MCRS1: variants seen among roughly 807,000 people sequenced by gnomAD.
MCRS1 encodes microspherule protein 1, also known as 58 kDa microspherule protein.
In MCRS1, 22 loss-of-function variants were observed where a neutral mutation model predicts 62.9. The observed-to-expected ratio is 0.35, with a 90% CI of 0.25 to 0.50. The LOEUF is 0.50. MCRS1 is among the 20% of genes least tolerant of loss of function. The pLI is 0.98. For missense variants in MCRS1, 456 were observed against 601.1 expected, an observed-to-expected ratio of 0.76 and a Z score of 2.52; for synonymous variants, 244 against 233.5, an observed-to-expected ratio of 1.04 and a Z score of -0.41.
chr12:49,564,398 G>T (rs1938937217), intron 6 of MCRS1, 83 bp downstream of exon 6: 5 of 1,184,310 alleles, frequency 4.2e-6, no homozygotes, highest in African/African-American at 3.1e-5. Context: ...CCCTCCTGGG[G>T]CCCTGGTACA....
In MCRS1 at chr12:49,559,860, G is replaced by A. The variant is rs201158856; in HGVS notation, c.911-39C>T. 2.5e-6 allele frequency: 4 copies of A among 1,613,814 alleles called. No individual in the cohort carries two copies. The highest frequency in any genetic ancestry group is 2.2e-5 in the South Asian group (2 of 91,080). ...GGGTGGTAAGGAGGGATGCTCTGAG[G>A]CCACCAGCACCTTGTACTGGTCCTC... On this transcript the variant is annotated intron_variant, in intron 10 of 14. Coordinates refer to ENST00000343810, the MANE Select transcript of MCRS1 (RefSeq NM_006337.5). The surrounding 1 kb of genome is among the most constrained non-coding windows in gnomAD (Gnocchi z 5.2).
chr12:49,566,113 G>T lies in MCRS1; in HGVS notation c.113C>A (p.Ala38Asp). 1 of 1,614,222 alleles carries T rather than the reference G, an allele frequency of 6.2e-7. No homozygotes were observed. The highest frequency in any genetic ancestry group is 8.5e-7 in the Non-Finnish European group (1 of 1,180,028). ...TCTCCGTTTAGGGATGGTGCCCAAG[G>T]CCTGGGAGGAGGCTCGCTTCTGCCC... is the stretch of plus-strand genomic sequence containing the variant. ...LAGQKRASSQ[A>D]LGTIPKRRSS... is the part of the protein sequence containing the mutation. The change falls in exon 3 of 15, where the codon GCC (alanine) becomes GAC (aspartate). Residue 38 changes from alanine to aspartate, a missense_variant. Ala to Asp is a moderately radical substitution (Grantham distance 126). This residue lies in a region of MCRS1 where 55 missense variants were observed against 49.3 expected (regional missense o/e 1.12). Transcript: ENST00000343810.
chr12:49,562,962 G>A (rs755909621), intron 8 of MCRS1, 39 bp downstream of exon 8: 6 of 1,576,358 alleles, frequency 3.8e-6, no homozygotes, highest in Admixed American at 3.5e-5. Context: ...ACACATGCAC[G>A]TGCACACACC....
At chr12:49,566,864 C>T (rs888874069) in intron 1 of MCRS1, 23 bp from the exon 2 acceptor site, 17 of 1,237,266 alleles carry the variant, frequency 1.4e-5, no homozygotes, top group South Asian at 5.2e-5. Flanking sequence ...AATGAGGCTC[C>T]CTGAGGCTCA....
At chr12:49,567,285 G>A in intron 1 of MCRS1, among the ~76,000 whole-genome samples, 1 of 148,290 alleles carries the variant, frequency 6.7e-6, no homozygotes, top group East Asian at 2.0e-4. Context: ...AGTCCATCTC[G>A]TTTTTTTTTT....
chr12:49,559,620 G>C lies in MCRS1; in HGVS notation c.1004-85C>G. ...ACCAGGGCAAGGTTTATAAGGGAAG[G>C]GGGTCGGGGCCTGGGAAACGAGGGT... On this transcript the variant is annotated intron_variant, in intron 11 of 14. Transcript: ENST00000343810. This position sits in a 1 kb window ranked among gnomAD's most constrained non-coding sequence, Gnocchi z 5.2. 2 of 1,589,930 alleles carry C rather than the reference G, an allele frequency of 1.3e-6. No homozygotes were observed. The highest frequency in any genetic ancestry group is 1.3e-5 in the African/African-American group (1 of 74,558).
chr12:49,564,564 C>A lies in MCRS1; in HGVS notation c.474G>T (p.Leu158=). 6.2e-7 allele frequency: 1 copy of A among 1,611,480 alleles called. No homozygotes were observed. The highest frequency in any genetic ancestry group is 8.5e-7 in the Non-Finnish European group (1 of 1,178,782). The change falls in exon 6 of 15, where the codon CTG becomes CTT. Residue 158 remains leucine (L), a synonymous_variant. Coordinates refer to ENST00000343810, the MANE Select transcript of MCRS1 (RefSeq NM_006337.5). ...LQTNDLTSVH[L]GVKFSCRFTL... is the part of the protein sequence containing the mutation. ...TGAAGCGGCAGCTGAATTTCACGCC[C>A]AGGTGGACGGAGGTCAGGTCGTTGG...
Position 49,559,006 on chromosome 12 carries a change from G to A in MCRS1, c.1175-36C>T, listed in dbSNP as rs1938608661. The A allele has an allele frequency of 9.4e-6, 15 of 1,600,156 alleles. No individual in the cohort carries two copies. The highest frequency in any genetic ancestry group is 1.3e-5 in the Non-Finnish European group (15 of 1,179,514). On this transcript the variant is annotated intron_variant, in intron 13 of 14. Transcript: ENST00000343810. The surrounding 1 kb of genome is among the most constrained non-coding windows in gnomAD (Gnocchi z 5.2). ...AGAAAGAAAGAAGGGATGATGGGAT[G>A]GGGAGGGATTGATGGGATGGGGAAA...
At chr12:49,564,611 T>C (rs1443339830) in intron 5 of MCRS1, 21 bp from the exon 6 acceptor site, 6 of 1,609,334 alleles carry the variant, frequency 3.7e-6, no homozygotes, top group Non-Finnish European at 5.1e-6. Flanking sequence ...CCAGAAGGAT[T>C]TGCTCCAGCC....
rs774499196 is a variant in MCRS1, at chr12:49,564,898, G to A, written c.289-3C>T. ...GGAGTGCTGGGGGCTTTGGATACCT[G>A]GGCAGAGGACAGGAACAAACCAAGC... On this transcript the variant is annotated splice_region_variant and splice_polypyrimidine_tract_variant and intron_variant, in intron 4 of 14. Transcript: ENST00000343810. The A allele has an allele frequency of 6.9e-6, 11 of 1,584,534 alleles. No individual in the cohort carries two copies. The Admixed American group carries it at 2.0e-4, about 29-fold the overall frequency.
chr12:49,560,476 A>G (rs1272179718), intron 8 of MCRS1, 106 bp from the exon 9 acceptor site: 3 of 997,746 alleles, frequency 3.0e-6, no homozygotes, highest in Non-Finnish European at 4.8e-6. Context: ...CTGGGTGGAG[A>G]GCCCAGCACC....
In MCRS1 at chr12:49,559,262, C is replaced by T; in HGVS notation, c.1126G>A (p.Val376Met). ...GRATKDNQID[V>M]DLSLEGPAWK... ...GCCGGACCCTCCAGAGACAGGTCCA[C>T]ATCAATCTGGTTATCCTTGGTTGCT... is the stretch of plus-strand genomic sequence containing the variant. The change falls in exon 13 of 15, where the codon GTG (valine) becomes ATG (methionine). Residue 376 changes from valine to methionine, a missense_variant. By Grantham distance (21) the Val-to-Met change is conservative (BLOSUM62 1). Coordinates refer to ENST00000343810, the MANE Select transcript of MCRS1 (RefSeq NM_006337.5). The surrounding 1 kb of genome is among the most constrained non-coding windows in gnomAD (Gnocchi z 5.2). 6.2e-7 allele frequency: 1 copy of T among 1,614,134 alleles called. No individual in the cohort carries two copies.
chr12:49,566,837 A>C lies in MCRS1; in HGVS notation c.-106T>G. On this transcript the variant is annotated 5_prime_UTR_variant, in exon 2 of 15. Transcript: ENST00000343810. ...CCAGGTGAGCTTAAAGGCTGAGAGG[A>C]GATTCTGCAAAGGAGAAATGAGGCT... 1 of 1,458,786 alleles carries C rather than the reference A, an allele frequency of 6.9e-7. No homozygotes were observed. Among genetic ancestry groups the C allele is most frequent in the South Asian group, 1.2e-5 (1 of 83,054 alleles). The allele number at this position is 1,458,786 out of a possible 1,614,324, so 90.4% of individuals were successfully genotyped here. A position where few individuals can be genotyped will look rare whatever the true frequency, so the allele number is the denominator to read the frequency against.
chr12:49,559,532 A>G lies in MCRS1; in HGVS notation c.1007T>C (p.Met336Thr). The G allele has an allele frequency of 6.2e-7, 1 of 1,610,138 alleles. No individual in the cohort carries two copies. Among genetic ancestry groups the G allele is most frequent in the African/African-American group, 1.3e-5 (1 of 75,056 alleles). Residue 336 changes from methionine to threonine, a missense_variant, in exon 12 of 15, where the codon ATG becomes ACG. Met to Thr is a moderately conservative substitution (Grantham distance 81). This residue lies in a region of MCRS1 where 393 missense variants were observed against 523.5 expected (regional missense o/e 0.75). Transcript: ENST00000343810. The surrounding 1 kb of genome is among the most constrained non-coding windows in gnomAD (Gnocchi z 5.2). ...WQVLVDSITG[M>T]SSPDFDNQTL... ...CTGGTTGTCGAAGTCCGGAGAGCTC[A>G]TGCCTGGGAGAAGAGGGAGTTTGGA...
intron 2 of MCRS1, 74 bp downstream of exon 2, chr12:49,566,648 G>A: frequency 6.2e-6 from 10 of 1,604,728 alleles, no homozygotes; most frequent in South Asian, 2.2e-5. Flanking sequence ...AAAGACACAC[G>A]TGCCAGGCAC....
At chr12:49,561,396 G>C (rs954234121) in intron 8 of MCRS1, among the ~76,000 whole-genome samples, 1 of 152,158 alleles carries the variant, frequency 6.6e-6, no homozygotes, top group South Asian at 2.1e-4. Flanking sequence ...AAGCAGGGCA[G>C]TCACTCCATC....
intron 1 of MCRS1, 32 bp from the exon 2 acceptor site, chr12:49,566,873 C>T: frequency 8.6e-7 from 1 of 1,168,602 alleles, no homozygotes; most frequent in Non-Finnish European, 1.2e-6. Flanking sequence ...CCCTGAGGCT[C>T]AGATTTCCAA....
chr12:49,564,243 C>T (rs906237349), intron 6 of MCRS1, among the ~76,000 whole-genome samples: 1 of 152,192 alleles, frequency 6.6e-6, no homozygotes, highest in African/African-American at 2.4e-5. Flanking sequence ...CAGTGCACTC[C>T]GGGCACTCAT....
In MCRS1 at chr12:49,559,695, A is replaced by AAG. The variant is rs750233316; in HGVS notation, c.1003+32_1003+33dup. On this transcript the variant is annotated intron_variant, in intron 11 of 14. Coordinates refer to ENST00000343810, the MANE Select transcript of MCRS1 (RefSeq NM_006337.5). The surrounding 1 kb of genome is among the most constrained non-coding windows in gnomAD (Gnocchi z 5.2). Reference sequence around the variant, plus strand: ...GCACAGGCTGGGGCGAAGGATGCTGAAGAGTGAGCCTTCTGGTGCCCAGGC... The same window carrying AAG: ...GCACAGGCTGGGGCGAAGGATGCTGAAGAGAGTGAGCCTTCTGGTGCCCAGGC... 5.6e-4 allele frequency: 906 copies of AAG among 1,611,918 alleles called. 1 individual carries two copies. Among genetic ancestry groups the AAG allele is most frequent in the Admixed American group, 7.5e-4 (45 of 59,968 alleles).
Sources: allele counts gnomAD v4.1 joint callset (sites outside exome capture counted in the v4.1 genomes callset), GRCh38; gene constraint gnomAD v4.1.1; regional missense constraint gnomAD v4.1.1; non-coding constraint Gnocchi (gnomAD v3.1); transcripts MANE v1.5; gene names NCBI Gene and HGNC (gene_info 2026-07-23, HGNC 2026-07-21).